The following CFAP206 variants were observed in gnomAD, a reference collection of about 807,000 sequenced individuals.
CFAP206 encodes cilia and flagella associated protein 206.
In CFAP206, 53 loss-of-function variants were observed where a neutral mutation model predicts 65.4. The observed-to-expected ratio is 0.81, with a 90% CI of 0.65 to 1.02. CFAP206 has a LOEUF of 1.02. CFAP206 is among the 50% of genes least tolerant of loss of function. The probability of loss-of-function intolerance (pLI) is 0.00; values close to 1 mark genes in which losing one functional copy is unlikely to be tolerated. For synonymous variants in CFAP206, 250 were observed against 254.4 expected (o/e 0.98, Z 0.17); for missense variants, 663 against 753.2 (o/e 0.88, Z 1.40).
intron 7 of CFAP206, among the ~76,000 whole-genome samples, chr6:87,419,524 A>G (rs1467732702): frequency 6.6e-6 from 1 of 152,214 alleles, no homozygotes; most frequent in Non-Finnish European, 1.5e-5. Context: ...TAATTACTGC[A>G]TGATGGCAGG....
chr6:87,431,662 A>T (rs1271969100), intron 10 of CFAP206, among the ~76,000 whole-genome samples: 24 of 152,216 alleles, frequency 1.6e-4, no homozygotes, highest in Admixed American at 1.6e-3. Flanking sequence ...GCTACTTGGG[A>T]GGCTGAGGCA....
intron 10 of CFAP206, among the ~76,000 whole-genome samples, chr6:87,434,514 T>C (rs1371089356): frequency 6.6e-6 from 1 of 151,238 alleles, no homozygotes; most frequent in Non-Finnish European, 1.5e-5. Flanking sequence ...TTTTTTTTTT[T>C]TTTGAGACAG....
rs140300749 is a variant in CFAP206 at position 87,443,616 on chromosome 6, T to C, written c.1494+8563T>C. ...TGAGAGTTGTATGTCACATAAGTTT[T>C]TTAAAAATGATTACAACCTTTATTT... On this transcript the variant is annotated intron_variant, in intron 11 of 12. Coordinates refer to ENST00000369562, the MANE Select transcript of CFAP206 (RefSeq NM_001031743.3). Among the ~76,000 whole-genome samples the C allele has an allele frequency of 1.6e-4, 25 of 152,306 alleles. No homozygotes were observed. The East Asian group carries it at 4.0e-3, about 25-fold the overall frequency.
rs371909107 is a variant in CFAP206, at chr6:87,464,095, G to A, written c.1714G>A (p.Val572Met). 12 of 1,614,056 alleles carry A rather than the reference G, an allele frequency of 7.4e-6. No individual in the cohort carries two copies. Among genetic ancestry groups the A allele is most frequent in the African/African-American group, 5.3e-5 (4 of 74,920 alleles). Residue 572 changes from valine to methionine, a missense_variant, in exon 13 of 13, where the codon GTG becomes ATG. Physicochemically the swap from Val to Met is conservative, Grantham distance 21. Coordinates refer to ENST00000369562, the MANE Select transcript of CFAP206 (RefSeq NM_001031743.3). ...CTTGAGAAGAGAAAATTGTTCCCAA[G>A]TGTACCCTCCAAAGGACACTAGCAC... Reference protein sequence around the residue: ...SHLRRENCSQVYPPKDTSTQS... With the variant: ...SHLRRENCSQMYPPKDTSTQS...
At chr6:87,427,518 G>T (rs1768064397) in intron 8 of CFAP206, among the ~76,000 whole-genome samples, 1 of 152,158 alleles carries the variant, frequency 6.6e-6, no homozygotes, top group Admixed American at 6.5e-5. Flanking sequence ...TAAAAACCAA[G>T]AAACAAAAGG....
rs914054858 is a variant in CFAP206 at position 87,428,767 on chromosome 6, T to A, written c.1102T>A (p.Cys368Ser). The A allele has an allele frequency of 1.2e-6, 2 of 1,614,168 alleles. No individual in the cohort carries two copies. The highest frequency in any genetic ancestry group is 3.3e-5 in the Admixed American group (2 of 60,022). ...ATACTTTCCTGAGAGAGTGATGCAA[T>A]GTCATCTTAATGGAGCGACTGTGAA... The part of the protein sequence containing the change: ...ELYFPERVMQ[C>S]HLNGATVKTD... The change falls in exon 9 of 13, where the codon TGT becomes AGT. Residue 368 changes from cysteine (C) to serine (S), a missense_variant. Transcript: ENST00000369562.
In CFAP206 at chr6:87,418,068, A is replaced by G. The variant is rs1002274609; in HGVS notation, c.632-140A>G. 45 of 747,890 alleles carry G rather than the reference A, an allele frequency of 6.0e-5. No individual in the cohort carries two copies. The South Asian group carries it at 8.2e-4, about 14-fold the overall frequency. The allele number at this position is 747,890 out of a possible 1,614,324, so 46.3% of individuals were successfully genotyped here. On this transcript the variant is annotated intron_variant, in intron 6 of 12. Coordinates refer to ENST00000369562, the MANE Select transcript of CFAP206 (RefSeq NM_001031743.3). ...TTTCTTTATGTTGTGGGACCCAGGAAACACATGCCTCATTATTACTAATTT... is the reference window on the plus strand; with the variant it reads ...TTTCTTTATGTTGTGGGACCCAGGAGACACATGCCTCATTATTACTAATTT...
At chr6:87,444,765 T>C (rs953755750) in intron 11 of CFAP206, 2 of 479,466 alleles carry the variant, frequency 4.2e-6, no homozygotes, top group Non-Finnish European at 8.0e-6. Flanking sequence ...TCTGATGTTC[T>C]GCAATTTTCT....
At chr6:87,433,952 T>A (rs6921703) in intron 10 of CFAP206, among the ~76,000 whole-genome samples, 41,700 of 151,620 alleles carry the variant, frequency 0.28, 5,940 homozygotes, top group Admixed American at 0.38. Flanking sequence ...ATACAAAAAT[T>A]AGCTGGGTGT....
intron 11 of CFAP206, among the ~76,000 whole-genome samples, chr6:87,459,346 C>T (rs1019399802): frequency 3.9e-5 from 6 of 152,088 alleles, no homozygotes; most frequent in Non-Finnish European, 5.9e-5. Context: ...TCTACTAATT[C>T]CCTCCATGAC....
intron 7 of CFAP206, among the ~76,000 whole-genome samples, chr6:87,418,686 A>T (rs1349738485): frequency 6.6e-6 from 1 of 152,248 alleles, no homozygotes. Flanking sequence ...AGTGGTGTAT[A>T]TGTAAGTAAT....
rs986166130 is a variant in CFAP206 at position 87,421,700 on chromosome 6, C to T, written c.840+3284C>T. On this transcript the variant is annotated intron_variant, in intron 7 of 12. Coordinates refer to ENST00000369562, the MANE Select transcript of CFAP206 (RefSeq NM_001031743.3). ...GGCAGACACCAAAGAGGGAAAGCTG[C>T]ATGTTATTGTGCAAGTAAGAGCTGC... 6.6e-5 allele frequency among the ~76,000 whole-genome samples: 10 copies of T among 152,278 alleles called. No homozygotes were observed. In the South Asian group the frequency reaches 2.1e-3, roughly 32 times the overall value.
At chr6:87,432,292 T>C (rs1024102499) in intron 10 of CFAP206, among the ~76,000 whole-genome samples, 2 of 152,186 alleles carry the variant, frequency 1.3e-5, no homozygotes, top group African/African-American at 4.8e-5. Flanking sequence ...ACATTTTTGA[T>C]AATGGGAATA....
chr6:87,429,740 C>T (rs1412297825), intron 9 of CFAP206, among the ~76,000 whole-genome samples: 1 of 152,052 alleles, frequency 6.6e-6, no homozygotes, highest in Non-Finnish European at 1.5e-5. Context: ...TTTTCAGAAA[C>T]TGAAATTAAT....
chr6:87,441,722 G>A (rs956360329), intron 11 of CFAP206: 7 of 195,572 alleles, frequency 3.6e-5, no homozygotes, highest in East Asian at 1.5e-4. Context: ...ACAATATGTC[G>A]TTCCACTTGG....
At chr6:87,444,351 A>G in intron 11 of CFAP206, 1 of 218,524 alleles carries the variant, frequency 4.6e-6, no homozygotes. Context: ...TAGGTGGTCC[A>G]GGTTGCGTTT....
At chr6:87,412,084 C>A (rs1027799941) in intron 3 of CFAP206, among the ~76,000 whole-genome samples, 1 of 152,120 alleles carries the variant, frequency 6.6e-6, no homozygotes, top group African/African-American at 2.4e-5. Context: ...TCCATTCCCC[C>A]CAATTCCCCA....
At chr6:87,413,185 T>G (rs1767766770) in intron 3 of CFAP206, among the ~76,000 whole-genome samples, 1 of 152,230 alleles carries the variant, frequency 6.6e-6, no homozygotes, top group South Asian at 2.1e-4. Flanking sequence ...ACTTATTACT[T>G]AACAAATGTT....
At chr6:87,442,467 G>A (rs906957079) in intron 11 of CFAP206, among the ~76,000 whole-genome samples, 4 of 152,102 alleles carry the variant, frequency 2.6e-5, no homozygotes, top group African/African-American at 4.8e-5. Flanking sequence ...GAGGACTGTA[G>A]ATGTCATTAT....
Sources: gnomAD v4.1 joint callset for allele counts (sites outside exome capture counted in the v4.1 genomes callset) on GRCh38, gnomAD v4.1.1 for gene constraint, MANE v1.5 for transcripts, NCBI Gene and HGNC (gene_info 2026-07-23, HGNC 2026-07-21) for gene names.